The following PARL variants were observed in gnomAD, a reference collection of about 807,000 sequenced individuals.
PARL encodes the protein presenilin-associated rhomboid-like protein, mitochondrial.
PARL carries 44 observed loss-of-function variants against 51.6 expected under a neutral mutation model. That is an observed-to-expected ratio of 0.85 (90% CI 0.67 to 1.10). The LOEUF is 1.10. PARL is among the 50% of genes least tolerant of loss of function. The probability of loss-of-function intolerance (pLI) is 0.00; values close to 1 mark genes in which losing one functional copy is unlikely to be tolerated. For synonymous variants in PARL, 172 were observed against 164.0 expected (o/e 1.05, Z -0.37); for missense variants, 441 against 469.5 (o/e 0.94, Z 0.56).
chr3:183,863,185 T>C lies in PARL; in HGVS notation c.463-384A>G, dbSNP rs527493006. Among the ~76,000 whole-genome samples the C allele has an allele frequency of 1.8e-3, 273 of 152,346 alleles. 1 individual carries two copies. The highest frequency in any genetic ancestry group is 3.1e-3 in the Non-Finnish European group (209 of 68,032). ...GAAGTGATTATTCATACCAAGGTCT[T>C]ATGTTTTAAAATTCTGAGAATATTG... On this transcript the variant is annotated intron_variant, in intron 3 of 9. Coordinates refer to ENST00000317096, the MANE Select transcript of PARL (RefSeq NM_018622.7).
At chr3:183,864,033 T>A (rs1198540073) in intron 3 of PARL, among the ~76,000 whole-genome samples, 1 of 152,226 alleles carries the variant, frequency 6.6e-6, no homozygotes, top group Non-Finnish European at 1.5e-5. Context: ...TGGAAACCTA[T>A]AGCTTTGTAA....
chr3:183,828,419 C>T (rs1293861839), downstream of PARL, among the ~76,000 whole-genome samples: 3 of 152,228 alleles, frequency 2.0e-5, no homozygotes, highest in Non-Finnish European at 2.9e-5. Flanking sequence ...CCCTACACCA[C>T]GTGTGCCGTT....
intron 1 of PARL, among the ~76,000 whole-genome samples, chr3:183,868,283 T>TG (rs1732768739): frequency 6.6e-6 from 1 of 152,224 alleles, no homozygotes; most frequent in Non-Finnish European, 1.5e-5. Flanking sequence ...GATACTACTT[T>TG]GGGCTATTAC....
chr3:183,839,356 T>A (rs1729020133), intron 7 of PARL, among the ~76,000 whole-genome samples: 1 of 152,186 alleles, frequency 6.6e-6, no homozygotes, highest in Non-Finnish European at 1.5e-5. Context: ...CATAAAGATT[T>A]CCATGTGCCC....
Position 183,882,222 on chromosome 3 carries a change from AATAT to A in PARL, c.125+2496_125+2499del, listed in dbSNP as rs1235101986. Reference sequence around the variant, plus strand: ...ATGTCTCTAAAAAAAAAAAAAAAAAAATATATATATATATATATATATTTATATA... The same window carrying A: ...ATGTCTCTAAAAAAAAAAAAAAAAAAATATATATATATATATATTTATATA... On this transcript the variant is annotated intron_variant, in intron 1 of 9. Transcript: ENST00000317096. Among the ~76,000 whole-genome samples the A allele has an allele frequency of 3.0e-4, 14 of 46,108 alleles. 1 individual carries two copies. Among genetic ancestry groups the A allele is most frequent in the Admixed American group, 7.0e-4 (2 of 2,864 alleles). 30.2% of individuals were successfully genotyped at this position (46,108 alleles called of 152,430 possible). A position where few individuals can be genotyped will look rare whatever the true frequency, so the allele number is the denominator to read the frequency against.
At chr3:183,876,661 A>G (rs903670247) in intron 1 of PARL, among the ~76,000 whole-genome samples, 1 of 150,836 alleles carries the variant, frequency 6.6e-6, no homozygotes, top group Non-Finnish European at 1.5e-5. Context: ...GAAAGAAAGA[A>G]AGAAAGAAAA....
chr3:183,851,826 A>G lies in PARL; in HGVS notation c.512-7500T>C, dbSNP rs1209948134. ...ACTAGTCACTAGCAAAATGGAAATC[A>G]AAACTATACCCATTACGATGGCTAT... On this transcript the variant is annotated intron_variant, in intron 4 of 9. Transcript: ENST00000317096. Among the ~76,000 whole-genome samples the G allele has an allele frequency of 3.9e-5, 6 of 152,324 alleles. No individual in the cohort carries two copies. In the East Asian group the frequency reaches 1.2e-3, roughly 29 times the overall value.
chr3:183,838,804 G>C (rs1728963392), intron 7 of PARL, among the ~76,000 whole-genome samples: 1 of 152,148 alleles, frequency 6.6e-6, no homozygotes, highest in South Asian at 2.1e-4. Flanking sequence ...ATAAGATGAG[G>C]ACAACAGCTG....
chr3:183,841,452 G>C (rs1371136883), intron 6 of PARL, among the ~76,000 whole-genome samples: 1 of 152,080 alleles, frequency 6.6e-6, no homozygotes, highest in Non-Finnish European at 1.5e-5. Context: ...TTAACCCCTT[G>C]TCATGAGGAG....
intron 2 of PARL, among the ~76,000 whole-genome samples, chr3:183,867,221 T>C (rs2108679418): frequency 6.6e-6 from 1 of 151,606 alleles, no homozygotes; most frequent in African/African-American, 2.4e-5. Flanking sequence ...AAAAAGGACA[T>C]TTTATTGTTT....
chr3:183,881,762 T>C (rs1230758284), intron 1 of PARL, among the ~76,000 whole-genome samples: 4 of 151,878 alleles, frequency 2.6e-5, no homozygotes, highest in Non-Finnish European at 5.9e-5. Context: ...CTCTAAAAAA[T>C]ACAAAAGATA....
At chr3:183,863,632 T>TC (rs965802208) in intron 3 of PARL, among the ~76,000 whole-genome samples, 9 of 151,924 alleles carry the variant, frequency 5.9e-5, no homozygotes, top group African/African-American at 2.2e-4. Context: ...AGAGACAGGG[T>TC]CCCCCTGTGT....
chr3:183,837,595 T>G (rs1728780227), intron 7 of PARL, among the ~76,000 whole-genome samples: 1 of 151,986 alleles, frequency 6.6e-6, no homozygotes, highest in African/African-American at 2.4e-5. Flanking sequence ...CCCCTATCAC[T>G]CAGGAGGCAA....
chr3:183,880,986 T>C (rs1734371041), intron 1 of PARL, among the ~76,000 whole-genome samples: 1 of 151,988 alleles, frequency 6.6e-6, no homozygotes, highest in Non-Finnish European at 1.5e-5. Context: ...ACTAATTTTT[T>C]TTACTTTTTG....
rs150689480 is a variant in PARL at position 183,879,320 on chromosome 3, A to T, written c.125+5402T>A. Reference sequence around the variant, plus strand: ...AAGTTAGGCCAATCTGGTCCAGTGAAATTCAATTTCAAGATTTTGTTTGTG... The same window carrying T: ...AAGTTAGGCCAATCTGGTCCAGTGATATTCAATTTCAAGATTTTGTTTGTG... On this transcript the variant is annotated intron_variant, in intron 1 of 9. Coordinates refer to ENST00000317096, the MANE Select transcript of PARL (RefSeq NM_018622.7). 1.5e-3 allele frequency among the ~76,000 whole-genome samples: 228 copies of T among 152,342 alleles called. 2 individuals carry two copies. Among genetic ancestry groups the T allele is most frequent in the African/African-American group, 5.3e-3 (220 of 41,576 alleles).
downstream of PARL, among the ~76,000 whole-genome samples, chr3:183,827,630 G>A (rs1727519241): frequency 6.6e-6 from 1 of 152,114 alleles, no homozygotes; most frequent in Admixed American, 6.6e-5. Context: ...AGGCTGAGGG[G>A]CTGAATTCTA....
intron 5 of PARL, chr3:183,843,176 G>A (rs1227594848): frequency 1.0e-6 from 1 of 981,294 alleles, no homozygotes; most frequent in Non-Finnish European, 1.2e-6. Context: ...GAGTCACTAT[G>A]CCCAGCTTAA....
At chr3:183,876,936 G>A (rs1394392697) in intron 1 of PARL, among the ~76,000 whole-genome samples, 1 of 152,252 alleles carries the variant, frequency 6.6e-6, no homozygotes, top group Non-Finnish European at 1.5e-5. Flanking sequence ...TAGAGGCTGG[G>A]TGCAGTGGCT....
rs762294214 is a variant in PARL at position 183,865,513 on chromosome 3, AGAT to A, written c.462+1109_462+1111del. On this transcript the variant is annotated intron_variant, in intron 3 of 9. Coordinates refer to ENST00000317096, the MANE Select transcript of PARL (RefSeq NM_018622.7). ...TACCACCAGAGCTCTGCCTCCTGTC[AGAT>A]CAGTGGCTGCATAAGATTCTCACAT... Among the ~76,000 whole-genome samples, 11 of 152,280 alleles carry A rather than the reference AGAT, an allele frequency of 7.2e-5. 1 individual carries two copies. Among genetic ancestry groups the A allele is most frequent in the Admixed American group, 4.6e-4 (7 of 15,288 alleles).
Sources: gnomAD v4.1 joint callset for allele counts (sites outside exome capture counted in the v4.1 genomes callset) on GRCh38, gnomAD v4.1.1 for gene constraint, MANE v1.5 for transcripts, NCBI Gene and HGNC (gene_info 2026-07-23, HGNC 2026-07-21) for gene names.